The following ASIC2 variants were observed in gnomAD, a reference collection of about 807,000 sequenced individuals.
ASIC2 encodes acid sensing ion channel subunit 2, also known as acid-sensing ion channel 2.
A neutral mutation model predicts 57.3 loss-of-function variants in ASIC2; 25 were observed. The ratio of observed to expected loss-of-function variants is 0.44; its 90% CI spans 0.32 to 0.61. The LOEUF (loss-of-function observed/expected upper bound fraction) is 0.61, where lower values mean the gene tolerates loss of function less well. Ranked by LOEUF, ASIC2 falls within the 20% of genes least tolerant of loss-of-function variation. The probability of loss-of-function intolerance (pLI) is 0.06; values close to 1 mark genes in which losing one functional copy is unlikely to be tolerated. For synonymous variants in ASIC2, 319 were observed against 307.5 expected (o/e 1.04, Z -0.39); for missense variants, 641 against 738.1 (o/e 0.87, Z 1.52).
Position 33,337,895 on chromosome 17 carries a change from T to C in ASIC2, c.556-225828A>G, listed in dbSNP as rs553603926. Among the ~76,000 whole-genome samples, 94 of 151,086 alleles carry C rather than the reference T, an allele frequency of 6.2e-4. 1 individual carries two copies. Among genetic ancestry groups the C allele is most frequent in the Admixed American group, 4.9e-3 (74 of 15,240 alleles). ...AGGGCAAAGAAAGTGGAAGTGTTCCTTCTGAGGTGTTCTGGAAGGGCAAAG... is the reference window on the plus strand; with the variant it reads ...AGGGCAAAGAAAGTGGAAGTGTTCCCTCTGAGGTGTTCTGGAAGGGCAAAG... On this transcript the variant is annotated intron_variant, in intron 1 of 9. Coordinates refer to the ASIC2 transcript ENST00000359872.
Position 33,885,374 on chromosome 17 carries a change from C to A in ASIC2, c.555+270604G>T, listed in dbSNP as rs555780272. Among the ~76,000 whole-genome samples the A allele has an allele frequency of 8.5e-5, 13 of 152,294 alleles. No individual in the cohort carries two copies. The East Asian group carries it at 2.5e-3, about 29-fold the overall frequency. Reference sequence around the variant, plus strand: ...AGATTACTAAGCACAGTGTTAAGAACAAAGCAAGCTCTCAAAAACGTGATC... The same window carrying A: ...AGATTACTAAGCACAGTGTTAAGAAAAAAGCAAGCTCTCAAAAACGTGATC... On this transcript the variant is annotated intron_variant, in intron 1 of 9. Coordinates refer to the ASIC2 transcript ENST00000359872.
chr17:33,173,462 G>A (rs1305635952), intron 1 of ASIC2, among the ~76,000 whole-genome samples: 1 of 152,160 alleles, frequency 6.6e-6, no homozygotes, highest in Non-Finnish European at 1.5e-5. Context: ...CTTGGGGATC[G>A]GTGAAGGCAG....
chr17:33,817,521 T>C (rs2141890525), intron 1 of ASIC2, among the ~76,000 whole-genome samples: 1 of 152,252 alleles, frequency 6.6e-6, no homozygotes, highest in African/African-American at 2.4e-5. Context: ...TGGGAGCAAG[T>C]CTCATGAAAG....
At chr17:33,698,092 T>C (rs1310340709) in intron 1 of ASIC2, among the ~76,000 whole-genome samples, 1 of 152,256 alleles carries the variant, frequency 6.6e-6, no homozygotes, top group Non-Finnish European at 1.5e-5. Flanking sequence ...CACATAATTC[T>C]TTGTTTTCAG....
intron 1 of ASIC2, among the ~76,000 whole-genome samples, chr17:33,176,957 C>T (rs1905781661): frequency 6.6e-6 from 1 of 152,174 alleles, no homozygotes; most frequent in Non-Finnish European, 1.5e-5. Context: ...AAGACCTGCA[C>T]CCGTGTATCT....
Position 33,396,749 on chromosome 17 carries a change from C to A in ASIC2, c.556-284682G>T, listed in dbSNP as rs561686191. 2.6e-5 allele frequency among the ~76,000 whole-genome samples: 4 copies of A among 152,290 alleles called. No homozygotes were observed. In the South Asian group the frequency reaches 8.3e-4, roughly 32 times the overall value. On this transcript the variant is annotated intron_variant, in intron 1 of 9. Transcript: ENST00000359872. ...TTAGATCACCTGTCTAACAGTCTTT[C>A]ATATAATCCTGAAAATATATCAGAA...
chr17:33,801,033 T>C (rs1489207906), intron 1 of ASIC2, among the ~76,000 whole-genome samples: 1 of 152,202 alleles, frequency 6.6e-6, no homozygotes, highest in Non-Finnish European at 1.5e-5. Context: ...GTGCTGAGAT[T>C]AAAAACCCTC....
At chr17:33,177,898 T>A (rs939982475) in intron 1 of ASIC2, among the ~76,000 whole-genome samples, 1 of 152,186 alleles carries the variant, frequency 6.6e-6, no homozygotes, top group African/African-American at 2.4e-5. Context: ...ACCAGTCTAG[T>A]TCCTGACCTT....
chr17:33,127,049 T>G (rs1256070950), intron 1 of ASIC2, among the ~76,000 whole-genome samples: 1 of 150,658 alleles, frequency 6.6e-6, no homozygotes, highest in Non-Finnish European at 1.5e-5. Flanking sequence ...TTTTGTATTT[T>G]TAGTAGAGAC....
At chr17:33,134,377 A>T (rs2092359453) in intron 1 of ASIC2, among the ~76,000 whole-genome samples, 1 of 152,122 alleles carries the variant, frequency 6.6e-6, no homozygotes, top group Admixed American at 6.5e-5. Context: ...GGCAACATTG[A>T]TTGCCCCAAG....
At chr17:33,739,553 A>G (rs1473811291) in intron 1 of ASIC2, among the ~76,000 whole-genome samples, 1 of 152,246 alleles carries the variant, frequency 6.6e-6, no homozygotes, top group Admixed American at 6.5e-5. Context: ...GTGAAGGTGC[A>G]GTGAATTCCA....
chr17:33,674,194 G>A (rs116993629), intron 1 of ASIC2, among the ~76,000 whole-genome samples: 2,792 of 152,126 alleles, frequency 0.018, 40 homozygotes, highest in Non-Finnish European at 0.027. Context: ...AGCCTGGCCC[G>A]TGTCTTTAGC....
At chr17:33,276,748 C>T (rs1276620954) in intron 1 of ASIC2, among the ~76,000 whole-genome samples, 1 of 152,204 alleles carries the variant, frequency 6.6e-6, no homozygotes, top group African/African-American at 2.4e-5. Context: ...AATTGCTGTG[C>T]TGTCTGCACA....
intron 1 of ASIC2, among the ~76,000 whole-genome samples, chr17:34,151,557 G>A (rs1171101630): frequency 6.6e-6 from 1 of 152,178 alleles, no homozygotes; most frequent in Admixed American, 6.5e-5. Context: ...CATGGGATTC[G>A]ATGTGGAAGC....
intron 1 of ASIC2, among the ~76,000 whole-genome samples, chr17:33,623,820 C>T (rs1905890000): frequency 6.6e-6 from 1 of 151,976 alleles, no homozygotes; most frequent in Non-Finnish European, 1.5e-5. Flanking sequence ...GGCTCACAAT[C>T]CTAGAGAGAT....
intron 1 of ASIC2, among the ~76,000 whole-genome samples, chr17:33,674,792 T>C (rs1472020766): frequency 1.3e-5 from 2 of 152,300 alleles, no homozygotes; most frequent in African/African-American, 4.8e-5. Context: ...TCTCTTCTGC[T>C]CTCTGCCGGC....
chr17:33,362,510 C>T (rs373123017), intron 1 of ASIC2, among the ~76,000 whole-genome samples: 1 of 152,206 alleles, frequency 6.6e-6, no homozygotes, highest in South Asian at 2.1e-4. Flanking sequence ...CAGTGTGGGG[C>T]AGAGGCCAGG....
At chr17:33,857,908 C>A (rs1597904998) in intron 1 of ASIC2, among the ~76,000 whole-genome samples, 2 of 152,300 alleles carry the variant, frequency 1.3e-5, no homozygotes, top group East Asian at 3.9e-4. Flanking sequence ...GGACATGGAC[C>A]AAGACCTATA....
Position 33,406,688 on chromosome 17 carries a change from C to A in ASIC2, c.556-294621G>T, listed in dbSNP as rs531159188. On this transcript the variant is annotated intron_variant, in intron 1 of 9. Transcript: ENST00000359872. ...AACAGTGGCCAGCAGATGGTAAGGG[C>A]TATGCAAGCATTTGCTAAATTATGT... Among the ~76,000 whole-genome samples the A allele has an allele frequency of 3.9e-4, 60 of 152,292 alleles. No individual in the cohort carries two copies. In the Middle Eastern group the frequency reaches 0.01, roughly 26 times the overall value.
Sources: allele counts gnomAD v4.1 joint callset (sites outside exome capture counted in the v4.1 genomes callset), GRCh38; gene constraint gnomAD v4.1.1; transcripts MANE v1.5; gene names NCBI Gene and HGNC (gene_info 2026-07-23, HGNC 2026-07-21).